MUTYH: variants seen among roughly 807,000 people sequenced by gnomAD.
MUTYH encodes the protein adenine DNA glycosylase.
Under a neutral mutation model 72.9 loss-of-function variants are expected in MUTYH, and 64 were observed. That is an observed-to-expected ratio of 0.88 (90% CI 0.72 to 1.08). MUTYH has a LOEUF of 1.08. Among genes scored for constraint, MUTYH ranks in the 50% least tolerant of loss-of-function variants. MUTYH has a pLI of 0.00. For missense variants in MUTYH, 633 were observed against 671.0 expected (o/e 0.94, Z 0.63); for synonymous variants, 234 against 263.1 (o/e 0.89, Z 1.07).
Position 45,332,925 on chromosome 1 carries a change from G to A in MUTYH, c.413C>T (p.Ser138Phe), listed in dbSNP as rs587780087. 1.2e-6 allele frequency: 2 copies of A among 1,614,034 alleles called. No homozygotes were observed. Among genetic ancestry groups the A allele is most frequent in the East Asian group, 2.2e-5 (1 of 44,896 alleles). Residue 138 changes from serine to phenylalanine, a missense_variant, in exon 6 of 16, where the codon TCC (serine) becomes TTC (phenylalanine). Coordinates refer to ENST00000456914, the MANE Select transcript of MUTYH (RefSeq NM_001048174.2). Reference protein sequence around the residue: ...WPTLQDLASASLEEVNQLWAG... With the variant: ...WPTLQDLASAFLEEVNQLWAG... ...CCCTAGGGTGGCTCTCACCTCCAGG[G>A]AAGCACTGGCCAGGTCCTGCAGTGT...
rs730881833 is a variant in MUTYH at position 45,332,242 on chromosome 1, C to A, written c.773G>T (p.Gly258Val). The part of the protein sequence containing the change: ...GDFNQAAMEL[G>V]ATVCTPQRPL... ...GCGCTGTGGGGTACACACTGTGGCCCCTAGCTCCATGGCTGCTTGGTTGAA... is the reference window on the plus strand; with the variant it reads ...GCGCTGTGGGGTACACACTGTGGCCACTAGCTCCATGGCTGCTTGGTTGAA... Residue 258 changes from glycine to valine, a missense_variant, in exon 10 of 16, where the codon GGG becomes GTG. Physicochemically the swap from Gly to Val is moderately radical, Grantham distance 109. Coordinates refer to ENST00000456914, the MANE Select transcript of MUTYH (RefSeq NM_001048174.2). 6.2e-7 allele frequency: 1 copy of A among 1,614,128 alleles called. No homozygotes were observed. The highest frequency in any genetic ancestry group is 1.7e-5 in the Admixed American group (1 of 60,028).
At chr1:45,335,403 C>A (rs543889503) in intron 1 of MUTYH, among the ~76,000 whole-genome samples, 1 of 152,060 alleles carries the variant, frequency 6.6e-6, no homozygotes, top group Admixed American at 6.5e-5. Context: ...ACTCTCCCCC[C>A]AAACCTTTGA....
chr1:45,333,007 G>A lies in MUTYH; in HGVS notation c.379-48C>T, dbSNP rs767701243. On this transcript the variant is annotated intron_variant, in intron 5 of 15. Coordinates refer to ENST00000456914, the MANE Select transcript of MUTYH (RefSeq NM_001048174.2). ...AGAGACAAGGTCAAGGGTGAAGGTG[G>A]TAGAGGAAGCCTTCTCTACACCCAC... 11 of 1,613,420 alleles carry A rather than the reference G, an allele frequency of 6.8e-6. 1 individual carries two copies. In the South Asian group the frequency reaches 1.1e-4, roughly 16 times the overall value.
Position 45,333,500 on chromosome 1 carries a change from G to A in MUTYH, c.177C>T (p.Phe59=). The change falls in exon 3 of 16, where the codon TTC becomes TTT. Residue 59 remains phenylalanine (F), a synonymous_variant. Transcript: ENST00000456914. ...AGGCTGTGACTTCAGCTACGTCTCT[G>A]AATAGATGGTATGAGGAGACAGAGG... ...LQASVSSYHL[F]RDVAEVTAFR... is the part of the protein sequence containing the mutation. 1 of 1,614,190 alleles carries A rather than the reference G, an allele frequency of 6.2e-7. No individual in the cohort carries two copies. The highest frequency in any genetic ancestry group is 8.5e-7 in the Non-Finnish European group (1 of 1,180,026).
chr1:45,334,015 T>A lies in MUTYH; in HGVS notation c.115+376A>T, dbSNP rs1157152759. ...CAGAATTACACCCTCAGTGAGTCTC[T>A]TTTGTTTTGAGACAAGAGTCTGGCT... On this transcript the variant is annotated intron_variant, in intron 2 of 15. Transcript: ENST00000456914. The A allele has an allele frequency of 1.1e-5, 4 of 375,058 alleles. No homozygotes were observed. In the East Asian group the frequency reaches 2.6e-4, roughly 24 times the overall value. 23.2% of individuals were successfully genotyped at this position (375,058 alleles called of 1,614,324 possible).
upstream of MUTYH, chr1:45,340,174 G>C (rs1646796858): frequency 1.2e-6 from 2 of 1,610,940 alleles, no homozygotes; most frequent in Non-Finnish European, 1.7e-6. Context: ...CCCCATCCCC[G>C]ACTGCCTGAA....
chr1:45,333,034 C>A (rs2149163255), intron 5 of MUTYH, 63 bp downstream of exon 5: 1 of 1,613,124 alleles, frequency 6.2e-7, no homozygotes, highest in Non-Finnish European at 8.5e-7. Flanking sequence ...TACACCCACC[C>A]CAAAGTAGAG....
At chr1:45,339,656 C>T in intron 1 of MUTYH, 1 of 378,924 alleles carries the variant, frequency 2.6e-6, no homozygotes, top group South Asian at 2.0e-5. Flanking sequence ...ACAAAAGCTT[C>T]CCTACCAATC....
At chr1:45,332,864 C>T (rs2149159481) in intron 6 of MUTYH, 30 bp from the exon 7 acceptor site, 1 of 1,614,134 alleles carries the variant, frequency 6.2e-7, no homozygotes, top group Non-Finnish European at 8.5e-7. Flanking sequence ...TCAAAGAGAT[C>T]ACCCGTCAGT....
intron 14 of MUTYH, 52 bp from the exon 15 acceptor site, chr1:45,330,609 A>G (rs749308489): frequency 4.9e-5 from 76 of 1,566,224 alleles, no homozygotes; most frequent in Non-Finnish European, 6.3e-5. Context: ...AAAAGAGATA[A>G]ACCGGTGTTC....
At chr1:45,335,900 C>T (rs1308585157) in intron 1 of MUTYH, among the ~76,000 whole-genome samples, 1 of 152,114 alleles carries the variant, frequency 6.6e-6, no homozygotes, top group East Asian at 1.9e-4. Context: ...TCTCTCTGAT[C>T]CTTCCACCCC....
chr1:45,340,435 G>A (rs1646856913), upstream of MUTYH: 5 of 1,519,074 alleles, frequency 3.3e-6, no homozygotes, highest in Admixed American at 1.0e-4. Context: ...GCCACGAGGA[G>A]ACTACAAGTT....
chr1:45,329,282 A>C lies in MUTYH; in HGVS notation c.*24T>G. The C allele has an allele frequency of 6.2e-7, 1 of 1,614,130 alleles. No individual in the cohort carries two copies. The highest frequency in any genetic ancestry group is 2.2e-5 in the East Asian group (1 of 44,880). ...GCACTTTACTAACAACAGGATTCTC[A>C]GGGAATGGGGGCTTTCAGAGGTGTC... On this transcript the variant is annotated 3_prime_UTR_variant, in exon 16 of 16. Coordinates refer to ENST00000456914, the MANE Select transcript of MUTYH (RefSeq NM_001048174.2).
rs779628173 is a variant in MUTYH, at chr1:45,338,747, T to TG, written c.-7+1151_-7+1152insC. ...TCCAAAGAGTTTTTTTATTTTTGTT[T>TG]TTTTTTTGTTTGTTTGTTTTGTTTT... On this transcript the variant is annotated intron_variant, in intron 1 of 15. Coordinates refer to ENST00000456914, the MANE Select transcript of MUTYH (RefSeq NM_001048174.2). 0.077 allele frequency: 8,059 copies of TG among 104,566 alleles called. 279 individuals carry two copies. Among genetic ancestry groups the TG allele is most frequent in the Non-Finnish European group, 0.12 (5,321 of 43,830 alleles). The allele number at this position is 104,566 out of a possible 1,614,324, so 6.5% of individuals were successfully genotyped here. A position where few individuals can be genotyped will look rare whatever the true frequency, so the allele number is the denominator to read the frequency against.
chr1:45,332,269 T>C lies in MUTYH; in HGVS notation c.746A>G (p.Asp249Gly). ...TAGCTCCATGGCTGCTTGGTTGAAATCTCCTGGCCGGGCTGGGTCCACCAG... is the reference window on the plus strand; with the variant it reads ...TAGCTCCATGGCTGCTTGGTTGAAACCTCCTGGCCGGGCTGGGTCCACCAG... ...QQLVDPARPG[D>G]FNQAAMELGA... Residue 249 changes from aspartate (D) to glycine (G), a missense_variant, in exon 10 of 16, where the codon GAT becomes GGT. Transcript: ENST00000456914. The C allele has an allele frequency of 6.2e-7, 1 of 1,613,890 alleles. No individual in the cohort carries two copies. Among genetic ancestry groups the C allele is most frequent in the South Asian group, 1.1e-5 (1 of 91,062 alleles).
At chr1:45,340,092 G>A (rs1646774559), upstream of MUTYH, 1 of 1,548,594 alleles carries the variant, frequency 6.5e-7, no homozygotes, top group South Asian at 1.2e-5. Flanking sequence ...GCGCCAGGCT[G>A]CCTTCCCCGC....
Position 45,334,472 on chromosome 1 carries a change from G to A in MUTYH, c.34C>T (p.His12Tyr). Residue 12 changes from histidine to tyrosine, a missense_variant, in exon 2 of 16, where the codon CAC becomes TAC. Physicochemically the swap from His to Tyr is moderately conservative, Grantham distance 83. Coordinates refer to ENST00000456914, the MANE Select transcript of MUTYH (RefSeq NM_001048174.2). ...TCCTGGCTGGCTGCCTGCTTCCTGT[G>A]ACCACTTCCCACGGCTGCTCGTGGC... ...RKPRAAVGSG[H>Y]RKQAASQEGR... is the part of the protein sequence containing the mutation. The A allele has an allele frequency of 6.2e-7, 1 of 1,614,078 alleles. No homozygotes were observed. Among genetic ancestry groups the A allele is most frequent in the Non-Finnish European group, 8.5e-7 (1 of 1,180,002 alleles).
chr1:45,330,679 G>A (rs1644660066), intron 14 of MUTYH, 122 bp from the exon 15 acceptor site: 1 of 1,206,262 alleles, frequency 8.3e-7, no homozygotes, highest in Non-Finnish European at 1.2e-6. Context: ...GCCAGGCATG[G>A]TGGCTCACGC....
At chr1:45,337,449 G>A (rs1047409281) in intron 1 of MUTYH, among the ~76,000 whole-genome samples, 11 of 152,172 alleles carry the variant, frequency 7.2e-5, no homozygotes, top group African/African-American at 2.2e-4. Flanking sequence ...GAGCCACGGC[G>A]CCTGGTGACA....
Sources: gnomAD v4.1 joint callset for allele counts (sites outside exome capture counted in the v4.1 genomes callset) on GRCh38, gnomAD v4.1.1 for gene constraint, MANE v1.5 for transcripts, NCBI Gene and HGNC (gene_info 2026-07-23, HGNC 2026-07-21) for gene names.